Variants in NFASC observed in about 807,000 individuals in gnomAD.
NFASC encodes neurofascin.
A neutral mutation model predicts 147.5 loss-of-function variants in NFASC; 43 were observed. The observed-to-expected ratio is 0.29, with a 90% CI of 0.23 to 0.38. The LOEUF (loss-of-function observed/expected upper bound fraction) is 0.38. NFASC is among the 10% of genes least tolerant of loss of function. NFASC has a pLI of 1.00. For synonymous variants in NFASC, 622 were observed against 665.5 expected (o/e 0.93, Z 1.01); for missense variants, 1,320 against 1,689.0 (o/e 0.78, Z 3.83).
Position 205,020,385 on chromosome 1 carries a change from G to C in NFASC, c.*3846G>C, listed in dbSNP as rs2096392394. On this transcript the variant is annotated 3_prime_UTR_variant, in exon 30 of 30. Transcript: ENST00000339876. ...CTGTTGCCAAGCAGTGCTTCCAAGG[G>C]ATAGCGATCCAGATTCCAACATTGT... 1 of 152,350 alleles carries C rather than the reference G, an allele frequency of 6.6e-6. No homozygotes were observed. The highest frequency in any genetic ancestry group is 2.4e-5 in the African/African-American group (1 of 41,450). 9.4% of individuals were successfully genotyped at this position (152,350 alleles called of 1,614,324 possible). A position where few individuals can be genotyped will look rare whatever the true frequency, so the allele number is the denominator to read the frequency against.
chr1:204,895,696 A>T (rs1374909205), intron 1 of NFASC, among the ~76,000 whole-genome samples: 1 of 152,216 alleles, frequency 6.6e-6, no homozygotes, highest in Non-Finnish European at 1.5e-5. Context: ...CTTCCTGGTA[A>T]TATCACTGAT....
chr1:204,847,290 G>A (rs1209030695), intron 1 of NFASC, among the ~76,000 whole-genome samples: 1 of 152,172 alleles, frequency 6.6e-6, no homozygotes, highest in Non-Finnish European at 1.5e-5. Context: ...TGTCCTAAGT[G>A]CTTTAAATAG....
chr1:204,974,645 C>T lies in NFASC; in HGVS notation c.1392-12C>T. ...TCTCAGGATGCTGTGTGTTCTGCTG[C>T]TCTGTTGTGAGGTTTAAGAATGGGC... On this transcript the variant is annotated splice_polypyrimidine_tract_variant and intron_variant, in intron 13 of 29. Transcript: ENST00000339876. 6.2e-7 allele frequency: 1 copy of T among 1,614,168 alleles called. No homozygotes were observed. Among genetic ancestry groups the T allele is most frequent in the Non-Finnish European group, 8.5e-7 (1 of 1,179,992 alleles).
At chr1:204,902,901 C>T (rs1450967114) in intron 1 of NFASC, among the ~76,000 whole-genome samples, 1 of 152,140 alleles carries the variant, frequency 6.6e-6, no homozygotes, top group Non-Finnish European at 1.5e-5. Context: ...GGCCAGACGG[C>T]AGGGAGGTAT....
intron 24 of NFASC, chr1:204,993,690 T>G (rs2095789615): frequency 2.0e-6 from 1 of 490,934 alleles, no homozygotes; most frequent in Non-Finnish European, 4.1e-6. Flanking sequence ...AGGCTGATGG[T>G]CTCCACTGAG....
At chr1:204,976,620 C>T in intron 15 of NFASC, 51 bp from the exon 16 acceptor site, 2 of 1,422,094 alleles carry the variant, frequency 1.4e-6, no homozygotes, top group Non-Finnish European at 2.0e-6. Flanking sequence ...ATGGGCAGGA[C>T]TCAGCACTCC....
intron 2 of NFASC, among the ~76,000 whole-genome samples, chr1:204,927,164 A>G (rs2091776991): frequency 6.6e-6 from 1 of 152,078 alleles, no homozygotes; most frequent in Admixed American, 6.5e-5. Flanking sequence ...CATCATCACA[A>G]TGGATTTTAG....
At chr1:204,920,830 G>A (rs2090314321) in intron 2 of NFASC, 90 bp downstream of exon 2, 1 of 562,908 alleles carries the variant, frequency 1.8e-6, no homozygotes, top group African/African-American at 1.9e-5. Flanking sequence ...TTTGATAAGG[G>A]AAGCCTGTTT....
At chr1:204,939,259 C>A (rs907326742) in intron 2 of NFASC, among the ~76,000 whole-genome samples, 1 of 152,048 alleles carries the variant, frequency 6.6e-6, no homozygotes, top group Non-Finnish European at 1.5e-5. Context: ...ATTTTATATC[C>A]TTACAGCCTG....
intron 1 of NFASC, among the ~76,000 whole-genome samples, chr1:204,889,714 G>A (rs1217522553): frequency 6.6e-6 from 1 of 152,166 alleles, no homozygotes; most frequent in Admixed American, 6.5e-5. Flanking sequence ...TCCTCAATTA[G>A]AATGGAGGCT....
chr1:204,964,636 C>T (rs1252029251), intron 8 of NFASC, among the ~76,000 whole-genome samples: 1 of 152,174 alleles, frequency 6.6e-6, no homozygotes, highest in Non-Finnish European at 1.5e-5. Flanking sequence ...TTCCTATCTT[C>T]TGGGGTTGTT....
intron 27 of NFASC, among the ~76,000 whole-genome samples, chr1:205,003,328 A>G (rs996609488): frequency 2.6e-5 from 4 of 152,184 alleles, no homozygotes; most frequent in African/African-American, 4.8e-5. Context: ...TTTGTCATGC[A>G]GGGAGAGGGG....
chr1:204,980,457 G>A lies in NFASC; in HGVS notation c.2247+17G>A, dbSNP rs779797314. On this transcript the variant is annotated intron_variant, in intron 20 of 29. Transcript: ENST00000339876. The stretch of plus-strand genomic sequence containing the variant: ...ACGTGGACGGTAAGAGGCCCTCCCA[G>A]CCCCAGTGGAGCAGCTCACCTTGCC... The A allele has an allele frequency of 1.9e-6, 3 of 1,599,576 alleles. No individual in the cohort carries two copies. The East Asian group carries it at 6.7e-5, about 36-fold the overall frequency.
intron 1 of NFASC, among the ~76,000 whole-genome samples, chr1:204,857,317 C>T (rs1287095409): frequency 6.6e-6 from 1 of 152,256 alleles, no homozygotes; most frequent in African/African-American, 2.4e-5. Flanking sequence ...GGCCACTTCT[C>T]GATTCTGCTT....
intron 8 of NFASC, among the ~76,000 whole-genome samples, chr1:204,960,848 T>C (rs2094628250): frequency 6.6e-6 from 1 of 152,136 alleles, no homozygotes; most frequent in African/African-American, 2.4e-5. Flanking sequence ...ACAAACCCCA[T>C]CTTAAGAGAG....
At chr1:204,901,109 G>A (rs897249579) in intron 1 of NFASC, among the ~76,000 whole-genome samples, 1 of 152,164 alleles carries the variant, frequency 6.6e-6, no homozygotes, top group Non-Finnish European at 1.5e-5. Flanking sequence ...TGTGTGGTGG[G>A]GCAGGGAAGT....
chr1:204,948,123 C>A (rs1221543975), intron 3 of NFASC, among the ~76,000 whole-genome samples: 1 of 152,226 alleles, frequency 6.6e-6, no homozygotes, highest in African/African-American at 2.4e-5. Flanking sequence ...AGAAAAGAGG[C>A]ACACGAGTAA....
chr1:204,953,086 T>G lies in NFASC; in HGVS notation c.215+970T>G, dbSNP rs374544608. Among the ~76,000 whole-genome samples the G allele has an allele frequency of 3.3e-4, 51 of 152,304 alleles. 1 individual carries two copies. Among genetic ancestry groups the G allele is most frequent in the African/African-American group, 1.2e-3 (50 of 41,574 alleles). On this transcript the variant is annotated intron_variant, in intron 5 of 29. Coordinates refer to ENST00000339876, the MANE Select transcript of NFASC (RefSeq NM_001005388.3). ...CCCCATGGTTCCTTTGCAGAGACAA[T>G]AATCCTGTGGCACTGAGCAGCCCCT...
intron 1 of NFASC, among the ~76,000 whole-genome samples, chr1:204,877,607 G>A (rs2079291733): frequency 6.6e-6 from 1 of 152,088 alleles, no homozygotes; most frequent in African/African-American, 2.4e-5. Flanking sequence ...GTTTCTATGG[G>A]GGTCCCCTTG....
Sources: gnomAD v4.1 joint callset for allele counts (sites outside exome capture counted in the v4.1 genomes callset) on GRCh38, gnomAD v4.1.1 for gene constraint, MANE v1.5 for transcripts, NCBI Gene and HGNC (gene_info 2026-07-23, HGNC 2026-07-21) for gene names.